KIAA1671: variants seen among roughly 807,000 people sequenced by gnomAD.
The protein encoded by KIAA1671 is KIAA1671, also known as uncharacterized protein KIAA1671.
Under a neutral mutation model 131.2 loss-of-function variants are expected in KIAA1671, and 52 were observed. The observed-to-expected ratio is 0.40, with a 90% CI of 0.32 to 0.50. The LOEUF is 0.50. Ranked by LOEUF, KIAA1671 falls within the 20% of genes least tolerant of loss-of-function variation. The pLI is 0.73. For missense variants in KIAA1671, 2,360 were observed against 2,364.2 expected (o/e 1.00, Z 0.04); for synonymous variants, 1,003 against 961.6 (o/e 1.04, Z -0.80).
intron 6 of KIAA1671, among the ~76,000 whole-genome samples, chr22:25,159,626 T>C (rs1933368836): frequency 6.6e-6 from 1 of 152,196 alleles, no homozygotes; most frequent in Non-Finnish European, 1.5e-5. Context: ...AGGCATGTGC[T>C]AGTTCTCCCC....
At chr22:25,106,983 CACTA>C (rs1479156832) in intron 6 of KIAA1671, among the ~76,000 whole-genome samples, 1 of 152,176 alleles carries the variant, frequency 6.6e-6, no homozygotes, top group African/African-American at 2.4e-5. Context: ...GGAACTGGAT[CACTA>C]ACTATAGGGT....
intron 1 of KIAA1671, among the ~76,000 whole-genome samples, chr22:24,990,299 C>G (rs137890971): frequency 1.3e-5 from 2 of 152,108 alleles, no homozygotes; most frequent in African/African-American, 2.4e-5. Flanking sequence ...CTCTGTTGGC[C>G]ATGCTGGTCT....
At chr22:25,129,304 C>T (rs749295961) in intron 6 of KIAA1671, among the ~76,000 whole-genome samples, 2 of 151,940 alleles carry the variant, frequency 1.3e-5, no homozygotes, top group African/African-American at 2.4e-5. Context: ...GTCAAGAGTT[C>T]GAGACCAGCC....
At chr22:25,154,179 C>T (rs1377931067) in intron 6 of KIAA1671, among the ~76,000 whole-genome samples, 1 of 152,192 alleles carries the variant, frequency 6.6e-6, no homozygotes, top group African/African-American at 2.4e-5. Flanking sequence ...TTGATCCAGG[C>T]ACTGTGTCTG....
rs766128488 is a variant in KIAA1671, at chr22:25,103,443, CCGCCTCCTAGGTTCA to C, written c.4530+54083_4530+54097del. Among the ~76,000 whole-genome samples, 24 of 152,300 alleles carry C rather than the reference CCGCCTCCTAGGTTCA, an allele frequency of 1.6e-4. No homozygotes were observed. In the South Asian group the frequency reaches 4.8e-3, roughly 30 times the overall value. ...GTGTGATCTCAGCTCACTGCAAGCT[CCGCCTCCTAGGTTCA>C]CGCTATTCTCCTGCCTCAGCCTCCC... On this transcript the variant is annotated intron_variant, in intron 6 of 12. Transcript: ENST00000358431.
chr22:25,083,189 A>AG (rs1280729204), intron 6 of KIAA1671, among the ~76,000 whole-genome samples: 1 of 152,160 alleles, frequency 6.6e-6, no homozygotes, highest in Non-Finnish European at 1.5e-5. Context: ...GTTTCTCCTG[A>AG]GGTCTCTCTC....
At chr22:24,982,947 T>C (rs73879175) in intron 1 of KIAA1671, among the ~76,000 whole-genome samples, 1,697 of 152,324 alleles carry the variant, frequency 0.011, 38 homozygotes, top group African/African-American at 0.039. Context: ...GATGAGTCCC[T>C]TGGCCTTTCT....
At chr22:25,065,865 T>C (rs1928448924) in intron 6 of KIAA1671, among the ~76,000 whole-genome samples, 1 of 152,128 alleles carries the variant, frequency 6.6e-6, no homozygotes, top group Non-Finnish European at 1.5e-5. Flanking sequence ...GGTCTTGAAC[T>C]CCTGACCTTG....
intron 1 of KIAA1671, among the ~76,000 whole-genome samples, chr22:25,005,254 A>G (rs1354748050): frequency 6.6e-6 from 1 of 151,146 alleles, no homozygotes. Flanking sequence ...AGGCTGAGGC[A>G]GCAGAATCGC....
chr22:25,033,508 C>T (rs1471846520), intron 4 of KIAA1671, among the ~76,000 whole-genome samples: 4 of 148,968 alleles, frequency 2.7e-5, no homozygotes, highest in African/African-American at 9.9e-5. Flanking sequence ...TGTCTCCTAG[C>T]GAAAACCGGT....
At chr22:24,998,843 T>G (rs577849955) in intron 1 of KIAA1671, among the ~76,000 whole-genome samples, 8 of 141,924 alleles carry the variant, frequency 5.6e-5, no homozygotes, top group African/African-American at 1.1e-4. Context: ...TATCTGCAGG[T>G]TTTTTTTTTT....
At chr22:25,062,830 C>T (rs1201295922) in intron 6 of KIAA1671, 3 of 127,830 alleles carry the variant, frequency 2.3e-5, no homozygotes, top group Admixed American at 7.9e-5. Flanking sequence ...CCCCGCCCCC[C>T]GCCACCCGCC....
At chr22:25,182,391 T>C (rs924270386) in intron 10 of KIAA1671, among the ~76,000 whole-genome samples, 1 of 151,062 alleles carries the variant, frequency 6.6e-6, no homozygotes, top group African/African-American at 2.4e-5. Flanking sequence ...CTTTTCTTCC[T>C]TCCTTCCTTT....
At chr22:25,006,463 G>C (rs960383957) in intron 1 of KIAA1671, among the ~76,000 whole-genome samples, 1 of 151,838 alleles carries the variant, frequency 6.6e-6, no homozygotes, top group African/African-American at 2.4e-5. Context: ...TAAGGTGTCT[G>C]GTCGCCTGGG....
chr22:25,093,824 T>TCTCTCTCTCTCTCTCTC (rs1555877745), intron 6 of KIAA1671, among the ~76,000 whole-genome samples: 2 of 21,922 alleles, frequency 9.1e-5, no homozygotes, highest in African/African-American at 2.8e-4. Context: ...CTCTCTCTCT[T>TCTCTCTCTCTCTCTCTC]TCTCTCTCTG....
intron 1 of KIAA1671, among the ~76,000 whole-genome samples, chr22:24,999,926 C>T (rs1924347923): frequency 6.6e-6 from 1 of 152,004 alleles, no homozygotes; most frequent in African/African-American, 2.4e-5. Context: ...TCTCTGTTGC[C>T]TAGGCTGGAG....
intron 1 of KIAA1671, among the ~76,000 whole-genome samples, chr22:24,969,744 A>T (rs1922502673): frequency 6.6e-6 from 1 of 152,138 alleles, no homozygotes; most frequent in African/African-American, 2.4e-5. Context: ...CTTTATACTG[A>T]GGCGGCTTAT....
intron 1 of KIAA1671, among the ~76,000 whole-genome samples, chr22:25,004,607 G>T (rs1924644712): frequency 6.6e-6 from 1 of 152,048 alleles, no homozygotes; most frequent in African/African-American, 2.4e-5. Context: ...ACTTTTAATT[G>T]TATTTTATTT....
At chr22:24,984,743 C>G (rs1443719047) in intron 1 of KIAA1671, among the ~76,000 whole-genome samples, 10 of 151,874 alleles carry the variant, frequency 6.6e-5, no homozygotes, top group Non-Finnish European at 1.5e-4. Flanking sequence ...GAAACCCCAT[C>G]TCTACTAAAA....
Sources: gnomAD v4.1 joint callset for allele counts (sites outside exome capture counted in the v4.1 genomes callset) on GRCh38, gnomAD v4.1.1 for gene constraint, MANE v1.5 for transcripts, NCBI Gene and HGNC (gene_info 2026-07-23, HGNC 2026-07-21) for gene names.